NFKB1: variants seen among roughly 807,000 people sequenced by gnomAD.
NFKB1 encodes the protein nuclear factor kappa B subunit 1.
NFKB1 carries 9 observed loss-of-function variants against 105.1 expected under a neutral mutation model. That is an observed-to-expected ratio of 0.09 (90% CI 0.05 to 0.15). The LOEUF is 0.15. Among genes scored for constraint, NFKB1 ranks in the 10% least tolerant of loss-of-function variants. The probability of loss-of-function intolerance (pLI) is 1.00; values close to 1 mark genes in which losing one functional copy is unlikely to be tolerated. For missense variants in NFKB1, 830 were observed against 1,203.7 expected (o/e 0.69, Z 4.59); for synonymous variants, 440 against 442.2 (o/e 1.00, Z 0.06).
intron 6 of NFKB1, among the ~76,000 whole-genome samples, chr4:102,575,374 A>G (rs905357967): frequency 1.3e-5 from 2 of 151,398 alleles, no homozygotes; most frequent in African/African-American, 4.9e-5. Context: ...TGACCTTCCT[A>G]CCTTAGCTTG....
At chr4:102,536,975 A>G (rs989315767) in intron 4 of NFKB1, among the ~76,000 whole-genome samples, 2 of 152,230 alleles carry the variant, frequency 1.3e-5, no homozygotes, top group African/African-American at 4.8e-5. Flanking sequence ...TGATGAGGTC[A>G]TAATTATCCT....
At chr4:102,576,773 C>A in intron 6 of NFKB1, 103 bp from the exon 7 acceptor site, 1 of 1,184,390 alleles carries the variant, frequency 8.4e-7, no homozygotes, top group Non-Finnish European at 1.2e-6. Context: ...GCATTGAGGG[C>A]CTGTGTATTT....
chr4:102,602,132 T>C (rs1338606216), intron 16 of NFKB1, among the ~76,000 whole-genome samples: 1 of 152,154 alleles, frequency 6.6e-6, no homozygotes, highest in Non-Finnish European at 1.5e-5. Context: ...ATTTCCTCAC[T>C]TTAAAGGAAA....
At chr4:102,506,052 C>T (rs370739493) in intron 1 of NFKB1, among the ~76,000 whole-genome samples, 3 of 151,958 alleles carry the variant, frequency 2.0e-5, no homozygotes, top group African/African-American at 2.4e-5. Context: ...AAGTATCTGG[C>T]GCCTTCCAAA....
chr4:102,515,111 T>TA (rs1560632615), intron 1 of NFKB1, among the ~76,000 whole-genome samples: 220 of 128,848 alleles, frequency 1.7e-3, no homozygotes, highest in African/African-American at 6.1e-3. Context: ...ATTATTATTT[T>TA]TTTTTTTTTT....
chr4:102,549,483 T>C (rs1417166718), intron 5 of NFKB1, among the ~76,000 whole-genome samples: 1 of 150,144 alleles, frequency 6.7e-6, no homozygotes, highest in Non-Finnish European at 1.5e-5. Context: ...AATTTATATA[T>C]ATATAAAACT....
At chr4:102,594,682 G>A (rs528746577) in intron 12 of NFKB1, among the ~76,000 whole-genome samples, 3 of 152,232 alleles carry the variant, frequency 2.0e-5, no homozygotes, top group South Asian at 4.2e-4. Context: ...TGCTGTCAGA[G>A]TTGCCAACAT....
chr4:102,574,435 C>G (rs1724643763), intron 6 of NFKB1, among the ~76,000 whole-genome samples: 1 of 152,120 alleles, frequency 6.6e-6, no homozygotes, highest in Non-Finnish European at 1.5e-5. Flanking sequence ...TATTTCCTCA[C>G]ACACAGCACT....
chr4:102,568,506 TTG>T (rs944723475), intron 6 of NFKB1, among the ~76,000 whole-genome samples: 11 of 152,190 alleles, frequency 7.2e-5, no homozygotes, highest in Admixed American at 5.2e-4. Flanking sequence ...TTTAGACTGA[TTG>T]ATCACTTAGT....
intron 5 of NFKB1, among the ~76,000 whole-genome samples, chr4:102,557,685 G>T (rs1056961768): frequency 6.6e-6 from 1 of 152,182 alleles, no homozygotes; most frequent in Non-Finnish European, 1.5e-5. Context: ...TCTGAGTCTG[G>T]TGCCAAGACT....
chr4:102,566,652 G>C (rs570287986), intron 5 of NFKB1, among the ~76,000 whole-genome samples: 1 of 152,172 alleles, frequency 6.6e-6, no homozygotes, highest in Non-Finnish European at 1.5e-5. Context: ...GCAGAGGAAG[G>C]CATGTTCTTG....
At chr4:102,554,677 G>A (rs543428269) in intron 5 of NFKB1, among the ~76,000 whole-genome samples, 26 of 152,288 alleles carry the variant, frequency 1.7e-4, no homozygotes, top group Non-Finnish European at 2.8e-4. Flanking sequence ...TCTCTAGGAC[G>A]CTGATGGAGA....
rs369582218 is a variant in NFKB1, at chr4:102,576,879, C to T, written c.411C>T (p.Phe137=). 1.9e-5 allele frequency: 30 copies of T among 1,603,316 alleles called. No individual in the cohort carries two copies. The highest frequency in any genetic ancestry group is 1.5e-4 in the African/African-American group (11 of 74,302). ...TAGPKDMVVG[F]ANLGILHVTK... is the part of the protein sequence containing the mutation. ...GCTGTTACTGTTTTTTCTCCAGCTT[C>T]GCAAACCTGGGTATACTTCATGTGA... The change falls in exon 7 of 24, where the codon TTC becomes TTT. Residue 137 remains phenylalanine (F), a synonymous_variant. Transcript: ENST00000226574.
At chr4:102,592,391 T>C (rs1269835391) in intron 11 of NFKB1, among the ~76,000 whole-genome samples, 2 of 152,186 alleles carry the variant, frequency 1.3e-5, no homozygotes, top group Non-Finnish European at 2.9e-5. Flanking sequence ...TTCATTTTTG[T>C]CTTATTTTTA....
chr4:102,616,007 G>A (rs980476906), intron 23 of NFKB1, among the ~76,000 whole-genome samples: 1 of 152,126 alleles, frequency 6.6e-6, no homozygotes, highest in Non-Finnish European at 1.5e-5. Context: ...TAGCATATGA[G>A]GCCCAGAGAG....
intron 16 of NFKB1, among the ~76,000 whole-genome samples, chr4:102,603,160 C>T (rs908727466): frequency 6.6e-6 from 1 of 152,162 alleles, no homozygotes; most frequent in Non-Finnish European, 1.5e-5. Context: ...GCAACCTCCA[C>T]CTCCCAGGTT....
chr4:102,570,714 G>C (rs1341394958), intron 6 of NFKB1, among the ~76,000 whole-genome samples: 1 of 152,078 alleles, frequency 6.6e-6, no homozygotes, highest in Non-Finnish European at 1.5e-5. Context: ...GCAAAATCAT[G>C]AGTGAACTCC....
At chr4:102,530,044 C>G in intron 3 of NFKB1, 130 bp downstream of exon 3, 1 of 647,542 alleles carries the variant, frequency 1.5e-6, no homozygotes, top group Admixed American at 3.2e-5. Flanking sequence ...TTTTAAAAAC[C>G]AATCTTTTAA....
intron 11 of NFKB1, among the ~76,000 whole-genome samples, chr4:102,588,788 C>T (rs1725931992): frequency 1.3e-5 from 2 of 152,158 alleles, no homozygotes; most frequent in South Asian, 2.1e-4. Context: ...ATAATGAAAA[C>T]ATCACTGCAC....
Sources: gnomAD v4.1 joint callset for allele counts (sites outside exome capture counted in the v4.1 genomes callset) on GRCh38, gnomAD v4.1.1 for gene constraint, MANE v1.5 for transcripts, NCBI Gene and HGNC (gene_info 2026-07-23, HGNC 2026-07-21) for gene names.